The following NCR1 variants were observed in gnomAD, a reference collection of about 807,000 sequenced individuals.
The protein encoded by NCR1 is natural cytotoxicity triggering receptor 1.
NCR1 carries 30 observed loss-of-function variants against 32.5 expected under a neutral mutation model. The ratio of observed to expected loss-of-function variants is 0.92; its 90% CI spans 0.69 to 1.25. NCR1 has a LOEUF of 1.25. Ranked by LOEUF, NCR1 falls within the 50% of genes most tolerant of loss-of-function variation. The pLI is 0.00. For missense variants in NCR1, 369 were observed against 380.7 expected (o/e 0.97, Z 0.26); for synonymous variants, 169 against 143.4 (o/e 1.18, Z -1.28).
chr19:54,903,819 A>G (rs917176203), upstream of NCR1, among the ~76,000 whole-genome samples: 2 of 151,890 alleles, frequency 1.3e-5, no homozygotes, highest in African/African-American at 4.8e-5. Context: ...AGAGTTAGTT[A>G]CTTACTTAAA....
chr19:54,903,455 TATATG>T (rs1486087270), upstream of NCR1, among the ~76,000 whole-genome samples: 1 of 116,358 alleles, frequency 8.6e-6, no homozygotes, highest in Non-Finnish European at 1.8e-5. Context: ...TGTATATACA[TATATG>T]TATGTATACA....
chr19:54,919,279 C>T (rs1033305453), downstream of NCR1, among the ~76,000 whole-genome samples: 16 of 152,098 alleles, frequency 1.1e-4, no homozygotes, highest in Non-Finnish European at 1.5e-4. Context: ...GCGCGGAGAC[C>T]GGTAGTGGCC....
rs1267512007 is a variant in NCR1 at position 54,906,660 on chromosome 19, G to A, written c.208G>A (p.Asp70Asn). 1.7e-5 allele frequency: 27 copies of A among 1,614,040 alleles called. No homozygotes were observed. Among genetic ancestry groups the A allele is most frequent in the Middle Eastern group, 3.3e-4 (2 of 6,084 alleles). Residue 70 changes from aspartate (D) to asparagine (N), a missense_variant, in exon 3 of 7, where the codon GAC becomes AAC. Transcript: ENST00000291890. ...LHFEGSLFAV[D>N]RPKPPERINK... ...CTTTGAAGGAAGCCTTTTTGCCGTG[G>A]ACAGACCAAAACCCCCTGAGCGGAT...
chr19:54,934,012 G>A, the NCR1 span, among the ~76,000 whole-genome samples: 7 of 152,286 alleles, frequency 4.6e-5, no homozygotes, highest in East Asian at 1.9e-4. The surrounding 1 kb of genome is among the most constrained non-coding windows in gnomAD (Gnocchi z 6.7). Flanking sequence ...GCGCGATCTC[G>A]GTTCACTGCC....
At chr19:54,905,834 C>T (rs1444596385), upstream of NCR1, among the ~76,000 whole-genome samples, 4 of 152,228 alleles carry the variant, frequency 2.6e-5, no homozygotes, top group East Asian at 3.9e-4. Flanking sequence ...TGTTTTTATA[C>T]GATTCTCAGG....
downstream of NCR1, among the ~76,000 whole-genome samples, chr19:54,918,129 G>A (rs182533891): frequency 2.0e-5 from 3 of 151,818 alleles, no homozygotes; most frequent in Non-Finnish European, 4.4e-5. Flanking sequence ...TAGAGACGGG[G>A]TTTCACCATG....
chr19:54,924,517 G>A, the NCR1 span, among the ~76,000 whole-genome samples: 30 of 152,216 alleles, frequency 2.0e-4, no homozygotes, highest in South Asian at 8.3e-4. Context: ...CCAGCTACTC[G>A]GGAGGCGGAG....
At chr19:54,911,949 G>A (rs2067997845) in intron 5 of NCR1, among the ~76,000 whole-genome samples, 1 of 152,004 alleles carries the variant, frequency 6.6e-6, no homozygotes, top group Admixed American at 6.6e-5. Flanking sequence ...CATGACTGGT[G>A]CAAAGACACA....
the NCR1 span, among the ~76,000 whole-genome samples, chr19:54,929,689 G>A: frequency 6.6e-6 from 1 of 152,112 alleles, no homozygotes. Context: ...GTCACTGGGG[G>A]CCATTGTTAT....
upstream of NCR1, among the ~76,000 whole-genome samples, chr19:54,903,458 A>G (rs1050882826): frequency 7.1e-5 from 9 of 126,270 alleles, 1 homozygote; most frequent in Non-Finnish European, 1.5e-4. Flanking sequence ...ATATACATAT[A>G]TGTATGTATA....
At chr19:54,927,849 C>A in the NCR1 span, 47 of 1,378,898 alleles carry the variant, frequency 3.4e-5, no homozygotes, top group Non-Finnish European at 4.7e-5. Context: ...CCCAACACTT[C>A]GGGAGGCCAA....
downstream of NCR1, chr19:54,916,127 A>G (rs541020422): frequency 1.6e-4 from 24 of 151,734 alleles, no homozygotes; most frequent in African/African-American, 5.8e-4. Flanking sequence ...TAATAAACTT[A>G]TGCCGCTTTG....
At chr19:54,917,795 G>A (rs1309073896), downstream of NCR1, among the ~76,000 whole-genome samples, 5 of 152,144 alleles carry the variant, frequency 3.3e-5, no homozygotes, top group Non-Finnish European at 5.9e-5. Context: ...GCCCAGGGCA[G>A]CCCCAGATGG....
At chr19:54,903,516 ATG>A (rs149839569), upstream of NCR1, among the ~76,000 whole-genome samples, 1 of 131,194 alleles carries the variant, frequency 7.6e-6, no homozygotes, top group African/African-American at 2.8e-5. Flanking sequence ...ACACGCATAC[ATG>A]TGTGTATACA....
At chr19:54,921,990 G>A in the NCR1 span, among the ~76,000 whole-genome samples, 12 of 151,492 alleles carry the variant, frequency 7.9e-5, no homozygotes, top group Non-Finnish European at 1.5e-4. Flanking sequence ...TCCGCCTCCC[G>A]GGTTCAAGCG....
intron 6 of NCR1, 105 bp downstream of exon 6, chr19:54,912,323 G>A (rs1024933329): frequency 3.8e-5 from 43 of 1,137,386 alleles, no homozygotes; most frequent in African/African-American, 1.8e-4. Context: ...TTGGCCAGGC[G>A]CAGTAGCTCA....
chr19:54,935,957 G>C, the NCR1 span, among the ~76,000 whole-genome samples: 1 of 152,216 alleles, frequency 6.6e-6, no homozygotes, highest in Admixed American at 6.6e-5. Context: ...GTGCAGAAAA[G>C]GCTGGGGGCC....
the NCR1 span, chr19:54,927,800 C>A: frequency 1.2e-6 from 2 of 1,605,852 alleles, no homozygotes; most frequent in Admixed American, 3.3e-5. Context: ...CATGGAAATC[C>A]ACGCATTCAC....
downstream of NCR1, among the ~76,000 whole-genome samples, chr19:54,917,605 G>A (rs973625546): frequency 6.6e-5 from 10 of 152,062 alleles, no homozygotes; most frequent in African/African-American, 1.4e-4. Context: ...ACAGGCCCCC[G>A]CACCCAGCCT....
Sources: allele counts gnomAD v4.1 joint callset (sites outside exome capture counted in the v4.1 genomes callset), GRCh38; gene constraint gnomAD v4.1.1; non-coding constraint Gnocchi (gnomAD v3.1); transcripts MANE v1.5; gene names NCBI Gene and HGNC (gene_info 2026-07-23, HGNC 2026-07-21).